The following ZEB2 variants were observed in gnomAD, a reference collection of about 807,000 sequenced individuals.
ZEB2 encodes the protein zinc finger E-box binding homeobox 2.
A neutral mutation model predicts 99.9 loss-of-function variants in ZEB2; 6 were observed. The observed-to-expected ratio is 0.06, with a 90% CI of 0.03 to 0.12. The LOEUF (loss-of-function observed/expected upper bound fraction) is 0.12. Ranked by LOEUF, ZEB2 falls within the 10% of genes least tolerant of loss-of-function variation. ZEB2 has a pLI of 1.00. For synonymous variants in ZEB2, 517 were observed against 542.5 expected (o/e 0.95, Z 0.65); for missense variants, 969 against 1,502.8 (o/e 0.64, Z 5.87).
intron 2 of ZEB2, among the ~76,000 whole-genome samples, chr2:144,441,072 C>G (rs1703909712): frequency 6.8e-6 from 1 of 147,898 alleles, no homozygotes; most frequent in Non-Finnish European, 1.5e-5. Flanking sequence ...AGACACGGCT[C>G]TGCTTGGACA....
rs1439256167 is a variant in ZEB2 at position 144,399,574 on chromosome 2, G to A, written c.1613C>T (p.Ala538Val). The change falls in exon 8 of 10, where the codon GCT becomes GTT. Residue 538 changes from alanine (A) to valine (V), a missense_variant. Transcript: ENST00000627532. This position sits in a 1 kb window ranked among gnomAD's most constrained non-coding sequence, Gnocchi z 5.6. The stretch of plus-strand genomic sequence containing the variant: ...GTCAGTAGTCAAGCTCTGGAGGCAA[G>A]CTTTGGCTTCATTGACTTTTTCCAA... ...YTLEKVNEAK[A>V]CLQSLTTDSR... 2 of 1,614,046 alleles carry A rather than the reference G, an allele frequency of 1.2e-6. No homozygotes were observed. Among genetic ancestry groups the A allele is most frequent in the Non-Finnish European group, 1.7e-6 (2 of 1,180,034 alleles).
In ZEB2 at chr2:144,398,309, C is replaced by T. The variant is rs1384697118; in HGVS notation, c.2878G>A (p.Gly960Arg). 6 of 1,613,446 alleles carry T rather than the reference C, an allele frequency of 3.7e-6. No individual in the cohort carries two copies. Among genetic ancestry groups the T allele is most frequent in the African/African-American group, 2.7e-5 (2 of 74,838 alleles). The change falls in exon 8 of 10, where the codon GGA becomes AGA. Residue 960 changes from glycine to arginine, a missense_variant. Physicochemically the swap from Gly to Arg is moderately radical, Grantham distance 125. Transcript: ENST00000627532. ...AACATTTGTCTCTTTACCTGAAATC[C>T]TTGTTTCCGCTGGTACTTTCTCCTT... ...QQRRKYQRKQ[G>R]FQGELLDGAQ...
rs1024046441 is a variant in ZEB2 at position 144,389,388 on chromosome 2, G to A, written c.*63C>T. On this transcript the variant is annotated 3_prime_UTR_variant, in exon 10 of 10. Coordinates refer to ENST00000627532, the MANE Select transcript of ZEB2 (RefSeq NM_014795.4). The surrounding 1 kb of genome is among the most constrained non-coding windows in gnomAD (Gnocchi z 6.8). ...TGCATGAACAGCTTAACACAGCAGT[G>A]TTTTCAAGCAGGTAACAATACTACT... is the stretch of plus-strand genomic sequence containing the variant. The A allele has an allele frequency of 1.2e-5, 19 of 1,571,054 alleles. No individual in the cohort carries two copies. In the Admixed American group the frequency reaches 2.7e-4, roughly 22 times the overall value.
intron 4 of ZEB2, chr2:144,424,525 C>T (rs899491258): frequency 6.3e-6 from 4 of 630,198 alleles, no homozygotes; most frequent in Non-Finnish European, 1.2e-5. Flanking sequence ...TAGAAATTCA[C>T]CCAACTCATG....
chr2:144,449,913 T>A (rs1704033646), intron 2 of ZEB2: 1 of 152,244 alleles, frequency 6.6e-6, no homozygotes, highest in African/African-American at 2.4e-5. Context: ...CCAAAACTTT[T>A]AATGCTTTAA....
At chr2:144,508,697 G>A (rs1573811855) in intron 2 of ZEB2, among the ~76,000 whole-genome samples, 1 of 151,802 alleles carries the variant, frequency 6.6e-6, no homozygotes, top group Non-Finnish European at 1.5e-5. Flanking sequence ...TGACCTCCCA[G>A]GTTTGGACAG....
chr2:144,424,651 T>C, intron 4 of ZEB2, 145 bp downstream of exon 4: 1 of 965,192 alleles, frequency 1.0e-6, no homozygotes, highest in Non-Finnish European at 1.6e-6. Flanking sequence ...GAAATTTTGA[T>C]TTGAAACAAA....
intron 2 of ZEB2, among the ~76,000 whole-genome samples, chr2:144,500,905 G>A (rs920489371): frequency 6.6e-6 from 1 of 152,124 alleles, no homozygotes; most frequent in Non-Finnish European, 1.5e-5. Context: ...CAATGCACTG[G>A]TGTGCTGTAG....
At chr2:144,481,391 T>G (rs1704508962) in intron 2 of ZEB2, among the ~76,000 whole-genome samples, 1 of 152,228 alleles carries the variant, frequency 6.6e-6, no homozygotes. Flanking sequence ...GTGCCTGTTA[T>G]GACTTTTAAC....
At chr2:144,398,203 G>C (rs1330530387) in intron 8 of ZEB2, 98 bp downstream of exon 8, 1 of 1,489,654 alleles carries the variant, frequency 6.7e-7, no homozygotes, top group African/African-American at 1.4e-5. Flanking sequence ...TTCTGTTTCT[G>C]CTGAGTTTTT....
At chr2:144,457,827 C>T (rs1047150855) in intron 2 of ZEB2, among the ~76,000 whole-genome samples, 4 of 152,234 alleles carry the variant, frequency 2.6e-5, no homozygotes, top group African/African-American at 9.6e-5. Flanking sequence ...ATGGATTCTA[C>T]AAATGAACAG....
intron 4 of ZEB2, chr2:144,424,507 G>A: frequency 8.3e-6 from 5 of 604,040 alleles, no homozygotes; most frequent in South Asian, 7.4e-5. Flanking sequence ...TAAAATAAAA[G>A]TTACTACTAG....
Position 144,480,789 on chromosome 2 carries a change from T to C in ZEB2, c.73+36489A>G, listed in dbSNP as rs920107384. Among the ~76,000 whole-genome samples the C allele has an allele frequency of 1.3e-5, 2 of 151,978 alleles. 1 individual carries two copies. The highest frequency in any genetic ancestry group is 1.3e-4 in the Admixed American group (2 of 15,278). ...AATGTTCCCAAAGCTATTTGGCTAGTTTCCCTACTCATATAAAATAGGCAA... is the reference window on the plus strand; with the variant it reads ...AATGTTCCCAAAGCTATTTGGCTAGCTTCCCTACTCATATAAAATAGGCAA... On this transcript the variant is annotated intron_variant, in intron 2 of 9. Coordinates refer to ENST00000627532, the MANE Select transcript of ZEB2 (RefSeq NM_014795.4).
intron 2 of ZEB2, among the ~76,000 whole-genome samples, chr2:144,440,393 C>T (rs1703889445): frequency 6.6e-6 from 1 of 151,344 alleles, no homozygotes; most frequent in Non-Finnish European, 1.5e-5. Context: ...AATTTTAGGC[C>T]TGCTCTATAC....
intron 2 of ZEB2, among the ~76,000 whole-genome samples, chr2:144,487,723 A>C (rs1365370202): frequency 2.0e-5 from 3 of 152,186 alleles, no homozygotes; most frequent in Admixed American, 2.0e-4. Context: ...TAATTTGCTA[A>C]AACAAACTTG....
At position 144,387,089 on chromosome 2, in the gene ZEB2, T is replaced by C. The variant is rs541854384; in HGVS notation, c.*2362A>G. On this transcript the variant is annotated 3_prime_UTR_variant, in exon 10 of 10. Coordinates refer to ENST00000627532, the MANE Select transcript of ZEB2 (RefSeq NM_014795.4). ...CACACACACACATACACACTTTCTA[T>C]TGAGTTTCAAGTTGCAAAGAATGAC... The C allele has an allele frequency of 6.0e-5, 9 of 150,818 alleles. No homozygotes were observed. In the South Asian group the frequency reaches 1.5e-3, roughly 25 times the overall value. The allele number at this position is 150,818 out of a possible 1,614,324, so 9.3% of individuals were successfully genotyped here.
intron 4 of ZEB2, chr2:144,424,565 T>C: frequency 1.6e-6 from 1 of 639,834 alleles, no homozygotes; most frequent in South Asian, 1.6e-5. Context: ...TAGAGTTCAG[T>C]ATTCTTGAGC....
intron 9 of ZEB2, among the ~76,000 whole-genome samples, chr2:144,393,692 C>CACTG (rs997635403): frequency 1.3e-5 from 2 of 152,134 alleles, no homozygotes; most frequent in African/African-American, 2.4e-5. Context: ...GAACCTAATA[C>CACTG]ACTGACAGTA....
At chr2:144,410,755 A>G (rs956030020) in intron 4 of ZEB2, among the ~76,000 whole-genome samples, 2 of 152,138 alleles carry the variant, frequency 1.3e-5, no homozygotes, top group African/African-American at 4.8e-5. Context: ...AATTTTCATA[A>G]AAAATGGAAG....
Sources: gnomAD v4.1 joint callset for allele counts (sites outside exome capture counted in the v4.1 genomes callset) on GRCh38, gnomAD v4.1.1 for gene constraint, Gnocchi (gnomAD v3.1) non-coding constraint, MANE v1.5 for transcripts, NCBI Gene and HGNC (gene_info 2026-07-23, HGNC 2026-07-21) for gene names.